NUP188: variants seen among roughly 807,000 people sequenced by gnomAD.
The protein encoded by NUP188 is nucleoporin NUP188.
NUP188 carries 97 observed loss-of-function variants against 223.0 expected under a neutral mutation model. That is an observed-to-expected ratio of 0.43 (90% confidence interval 0.37 to 0.51). NUP188 has a LOEUF of 0.51. Ranked by LOEUF, NUP188 falls within the 20% of genes least tolerant of loss-of-function variation. The pLI is 0.00. For synonymous variants in NUP188, 869 were observed against 828.0 expected, an observed-to-expected ratio of 1.05 and a Z score of -0.85; for missense variants, 1,947 against 2,175.6, an observed-to-expected ratio of 0.89 and a Z score of 2.09.
In NUP188 at chr9:128,959,108, A is replaced by C; in HGVS notation, c.559A>C (p.Thr187Pro). The C allele has an allele frequency of 6.2e-7, 1 of 1,600,454 alleles. No individual in the cohort carries two copies. The highest frequency in any genetic ancestry group is 8.5e-7 in the Non-Finnish European group (1 of 1,173,116). Residue 187 changes from threonine to proline, a missense_variant, in exon 8 of 44, where the codon ACT (threonine) becomes CCT (proline). Transcript: ENST00000372577. ...FEELYKTEAPTWETHGNLMTE... is the reference protein window; with the variant it reads ...FEELYKTEAPPWETHGNLMTE... ...AGAGCTTTATAAAACTGAAGCACCAACTTGGGAGACACATGGAAATCTCAT... is the reference window on the plus strand; with the variant it reads ...AGAGCTTTATAAAACTGAAGCACCACCTTGGGAGACACATGGAAATCTCAT...
intron 22 of NUP188, among the ~76,000 whole-genome samples, chr9:128,987,131 G>C (rs975317784): frequency 4.9e-5 from 7 of 142,458 alleles, no homozygotes; most frequent in African/African-American, 1.6e-4. Flanking sequence ...GTGTGTGTGT[G>C]TATGTGTATA....
At chr9:128,998,706 T>A in intron 32 of NUP188, 83 bp downstream of exon 32, 1 of 1,129,514 alleles carries the variant, frequency 8.9e-7, no homozygotes, top group Non-Finnish European at 1.3e-6. Flanking sequence ...GGAGAAATAG[T>A]GGGTGGAAGC....
intron 10 of NUP188, among the ~76,000 whole-genome samples, chr9:128,969,822 C>G (rs974935802): frequency 6.6e-6 from 1 of 151,736 alleles, no homozygotes; most frequent in Non-Finnish European, 1.5e-5. Flanking sequence ...TTAGTAGAGA[C>G]TGGGTTTCAC....
intron 8 of NUP188, 47 bp downstream of exon 8, chr9:128,959,181 A>C: frequency 1.4e-6 from 2 of 1,460,488 alleles, no homozygotes; most frequent in Non-Finnish European, 1.8e-6. Flanking sequence ...TTTAAGATGG[A>C]GTTTCCCTCT....
At chr9:128,982,781 C>G in intron 16 of NUP188, 80 bp downstream of exon 16, 1 of 1,585,610 alleles carries the variant, frequency 6.3e-7, no homozygotes, top group Non-Finnish European at 8.6e-7. Context: ...AGAATATCTA[C>G]ATAAAATTTA....
intron 8 of NUP188, 29 bp from the exon 9 acceptor site, chr9:128,968,477 C>G: frequency 6.4e-7 from 1 of 1,550,540 alleles, no homozygotes; most frequent in Non-Finnish European, 8.9e-7. Flanking sequence ...TGTTATTTCT[C>G]TCCCATTTTG....
At chr9:128,956,182 G>GGTGT (rs60109270) in intron 3 of NUP188, among the ~76,000 whole-genome samples, 168 bp from the exon 4 acceptor site, 2,706 of 134,702 alleles carry the variant, frequency 0.02, 50 homozygotes, top group African/African-American at 0.046. Flanking sequence ...GAGGTGAATG[G>GGTGT]GTGTGTGTGT....
chr9:128,961,606 A>C (rs1261105780), intron 8 of NUP188, among the ~76,000 whole-genome samples: 1 of 148,646 alleles, frequency 6.7e-6, no homozygotes, highest in Non-Finnish European at 1.5e-5. Flanking sequence ...AGATAGATAG[A>C]TAGATAGATA....
intron 9 of NUP188, 118 bp downstream of exon 9, chr9:128,968,835 C>G: frequency 1.4e-6 from 1 of 724,424 alleles, no homozygotes; most frequent in Non-Finnish European, 2.3e-6. Flanking sequence ...GGAAATAGGT[C>G]TACTGCCACG....
At chr9:128,957,073 T>A (rs1841881789) in intron 5 of NUP188, 41 bp downstream of exon 5, 1 of 1,332,836 alleles carries the variant, frequency 7.5e-7, no homozygotes, top group Non-Finnish European at 1.1e-6. Flanking sequence ...GCCTTTATCC[T>A]TTTTCCCTGT....
intron 14 of NUP188, 93 bp from the exon 15 acceptor site, chr9:128,981,171 G>GA: frequency 6.8e-7 from 1 of 1,468,380 alleles, no homozygotes; most frequent in Non-Finnish European, 9.3e-7. Flanking sequence ...GGGCTTGCAA[G>GA]AAGTTTGAGA....
intron 5 of NUP188, 102 bp from the exon 6 acceptor site, chr9:128,957,908 G>T (rs1841893724): frequency 2.3e-6 from 2 of 857,834 alleles, no homozygotes; most frequent in African/African-American, 3.4e-5. Context: ...AAACAAATGT[G>T]CAATTATAAT....
chr9:128,970,880 A>T lies in NUP188; in HGVS notation c.1035A>T (p.Ile345=), dbSNP rs1842096183. The change falls in exon 11 of 44, where the codon ATA becomes ATT. Residue 345 remains isoleucine, a synonymous_variant. Coordinates refer to ENST00000372577, the MANE Select transcript of NUP188 (RefSeq NM_015354.3). ...AGACAAGCAGTGTGGTCCGGAAGAT[A>T]GGTGGCACAGCCATCCAGCTGAATG... is the stretch of plus-strand genomic sequence containing the variant. ...PEETSSVVRK[I]GGTAIQLNVF... is the part of the protein sequence containing the mutation. The T allele has an allele frequency of 6.2e-7, 1 of 1,614,170 alleles. No homozygotes were observed. The highest frequency in any genetic ancestry group is 8.5e-7 in the Non-Finnish European group (1 of 1,180,032).
In NUP188 at chr9:128,969,466, T is replaced by G. The variant is rs1564554777; in HGVS notation, c.864T>G (p.Asp288Glu). ...AGTCCTTGCATAAGTGTGCTTTGGA[T>G]GACAGAAGAGAACTGCATCAGTTTG... ...DIESLHKCALDDRRELHQFAQ... is the reference protein window; with the variant it reads ...DIESLHKCALEDRRELHQFAQ... The change falls in exon 10 of 44, where the codon GAT (aspartate) becomes GAG (glutamate). Residue 288 changes from aspartate (D) to glutamate (E), a missense_variant. Coordinates refer to ENST00000372577, the MANE Select transcript of NUP188 (RefSeq NM_015354.3). 1.2e-6 allele frequency: 2 copies of G among 1,602,096 alleles called. No individual in the cohort carries two copies. Among genetic ancestry groups the G allele is most frequent in the East Asian group, 4.5e-5 (2 of 44,328 alleles).
At position 129,006,725 on chromosome 9, in the gene NUP188, C is replaced by T; in HGVS notation, c.*47C>T. ...TACCCCTCTCCACCAGCCTACACTG[C>T]ACCCTGGCTGGCAGGGGTGCTGCTG... On this transcript the variant is annotated 3_prime_UTR_variant, in exon 44 of 44. Transcript: ENST00000372577. 4 of 1,554,648 alleles carry T rather than the reference C, an allele frequency of 2.6e-6. No homozygotes were observed. The highest frequency in any genetic ancestry group is 1.2e-5 in the South Asian group (1 of 83,548).
chr9:128,948,984 C>G (rs1841736248), intron 1 of NUP188: 1 of 425,176 alleles, frequency 2.4e-6, no homozygotes, highest in African/African-American at 2.1e-5. Flanking sequence ...CTCGACCTCC[C>G]AAAGTGCTGG....
At chr9:129,006,399 A>T in intron 43 of NUP188, 31 bp downstream of exon 43, 1 of 1,614,154 alleles carries the variant, frequency 6.2e-7, no homozygotes, top group Non-Finnish European at 8.5e-7. Flanking sequence ...GGAGGGCTGG[A>T]CCAATAGGGC....
At chr9:128,977,220 C>T (rs556683633) in intron 12 of NUP188, among the ~76,000 whole-genome samples, 5 of 151,270 alleles carry the variant, frequency 3.3e-5, no homozygotes, top group African/African-American at 7.3e-5. Flanking sequence ...CCCGTGTTCA[C>T]GCCATTCTCC....
intron 3 of NUP188, 25 bp downstream of exon 3, chr9:128,952,871 T>C: frequency 6.3e-7 from 1 of 1,582,196 alleles, no homozygotes; most frequent in Non-Finnish European, 8.7e-7. Flanking sequence ...GGTGTCTGGT[T>C]AAAGTAATTG....
Sources: gnomAD v4.1 joint callset for allele counts (sites outside exome capture counted in the v4.1 genomes callset) on GRCh38, gnomAD v4.1.1 for gene constraint, MANE v1.5 for transcripts, NCBI Gene and HGNC (gene_info 2026-07-23, HGNC 2026-07-21) for gene names.